MCF2: variants seen among roughly 807,000 people sequenced by gnomAD.
MCF2 encodes the protein proto-oncogene DBL.
Under a neutral mutation model 82.5 loss-of-function variants are expected in MCF2, and 44 were observed. That is an observed-to-expected ratio of 0.53 (90% CI 0.42 to 0.69). The LOEUF is 0.69. Ranked by LOEUF, MCF2 falls within the 30% of genes least tolerant of loss-of-function variation. The probability of loss-of-function intolerance (pLI) is 0.00; values close to 1 mark genes in which losing one functional copy is unlikely to be tolerated. For synonymous variants in MCF2, 217 were observed against 224.9 expected, an observed-to-expected ratio of 0.96 and a Z score of 0.32; for missense variants, 623 against 663.1, an observed-to-expected ratio of 0.94 and a Z score of 0.66.
intron 2 of MCF2, among the ~76,000 whole-genome samples, chrX:139,649,638 G>A (rs1203076427): frequency 2.1e-5 from 1 of 48,507 alleles, no homozygotes; most frequent in Non-Finnish European, 4.3e-5. Flanking sequence ...ACTGTCCTAC[G>A]AGTAAACTTT....
intron 1 of MCF2, among the ~76,000 whole-genome samples, chrX:139,634,921 C>G (rs1933114730): frequency 9.1e-6 from 1 of 110,121 alleles, no homozygotes; most frequent in Non-Finnish European, 1.9e-5. Flanking sequence ...CATAGTGAGA[C>G]CCCATCTCTA....
chrX:139,657,869 C>T (rs1216188368), intron 1 of MCF2, among the ~76,000 whole-genome samples: 1 of 111,640 alleles, frequency 9.0e-6, no homozygotes, highest in Non-Finnish European at 1.9e-5. Context: ...GCACTTTGTT[C>T]TAAAGTCAGA....
At chrX:139,634,496 A>T (rs1338333571) in intron 1 of MCF2, among the ~76,000 whole-genome samples, 1 of 112,407 alleles carries the variant, frequency 8.9e-6, no homozygotes, top group Non-Finnish European at 1.9e-5. Flanking sequence ...GATGGTGATA[A>T]AACATAAAAT....
At chrX:139,691,912 T>C in intron 1 of MCF2, 1 of 1,140,139 alleles carries the variant, frequency 8.8e-7, no homozygotes, top group Non-Finnish European at 1.2e-6. Context: ...GGAGGGGACT[T>C]ACCTGCCACG....
chrX:139,663,090 C>T (rs1051238373), intron 1 of MCF2, among the ~76,000 whole-genome samples: 1 of 112,155 alleles, frequency 8.9e-6, no homozygotes, highest in African/African-American at 3.2e-5. Context: ...GTGAATAATG[C>T]TGCAATAAAC....
intron 1 of MCF2, among the ~76,000 whole-genome samples, chrX:139,654,585 C>T (rs990354934): frequency 8.9e-6 from 1 of 112,009 alleles, no homozygotes; most frequent in Non-Finnish European, 1.9e-5. Context: ...TTCTTTCATT[C>T]TGTGAATTGT....
At position 139,588,474 on chromosome X, in the gene MCF2, C is replaced by T. The variant is rs770632734; in HGVS notation, c.2371-36G>A. The T allele has an allele frequency of 5.7e-6, 5 of 884,916 alleles. No individual in the cohort carries two copies. In the African/African-American group the frequency reaches 1.0e-4, roughly 18 times the overall value. The allele number at this position is 884,916 out of a possible 1,213,427, so 72.9% of individuals were successfully genotyped here. A position where few individuals can be genotyped will look rare whatever the true frequency, so the allele number is the denominator to read the frequency against. ...AAAAAAAAGCGGGAGGGAGGTGGTA[C>T]ACATTTCCTTTTAAAAAGGATGTAC... On this transcript the variant is annotated intron_variant, in intron 20 of 24. Transcript: ENST00000370576.
rs1931482518 is a variant in MCF2 at position 139,611,440 on chromosome X, C to A, written c.1364-1102G>T. Among the ~76,000 whole-genome samples, 3 of 112,061 alleles carry A rather than the reference C, an allele frequency of 2.7e-5. 1 individual carries two copies. The South Asian group carries it at 1.1e-3, about 41-fold the overall frequency. On this transcript the variant is annotated intron_variant, in intron 10 of 24. Transcript: ENST00000370576. Reference sequence around the variant, plus strand: ...TCAAAGAAACCTGTTCTACAGAGATCCAAACTTATTTTTAAAGGTAACTTA... The same window carrying A: ...TCAAAGAAACCTGTTCTACAGAGATACAAACTTATTTTTAAAGGTAACTTA...
At chrX:139,706,936 A>G (rs1935601304) in intron 1 of MCF2, among the ~76,000 whole-genome samples, 1 of 110,314 alleles carries the variant, frequency 9.1e-6, no homozygotes, top group Non-Finnish European at 1.9e-5. Context: ...CCATATAAAG[A>G]AGTTAGTAGA....
chrX:139,659,061 A>G (rs1009260591), intron 1 of MCF2, among the ~76,000 whole-genome samples: 69 of 111,300 alleles, frequency 6.2e-4, no homozygotes, highest in Non-Finnish European at 1.0e-3. Context: ...AGGCCGAGGC[A>G]GGCGGATCAC....
At chrX:139,632,496 CAA>C (rs769371519) in intron 1 of MCF2, 42 bp from the exon 5 acceptor site, 1 of 1,138,702 alleles carries the variant, frequency 8.8e-7, no homozygotes, top group South Asian at 2.1e-5. Context: ...AAAAAATTGT[CAA>C]CACACACTCA....
At chrX:139,688,530 A>T (rs1331974466) in intron 1 of MCF2, among the ~76,000 whole-genome samples, 1 of 112,108 alleles carries the variant, frequency 8.9e-6, no homozygotes, top group South Asian at 3.7e-4. Context: ...TGTGATTTAC[A>T]TATCTCCCTG....
At chrX:139,669,515 A>G (rs1024625200) in intron 1 of MCF2, among the ~76,000 whole-genome samples, 1 of 112,534 alleles carries the variant, frequency 8.9e-6, no homozygotes, top group African/African-American at 3.2e-5. Context: ...ACATAGATTT[A>G]CCACATGTCC....
At chrX:139,626,633 T>C (rs776605373) in exon 5 of MCF2, 6 of 1,207,062 alleles carry the variant, frequency 5.0e-6, no homozygotes, top group Non-Finnish European at 6.7e-6. Context: ...TTATTAATAG[T>C]TTGCCAGTCA....
chrX:139,582,176 T>C, exon 25 of MCF2: 1 of 366,774 alleles, frequency 2.7e-6, no homozygotes, highest in Non-Finnish European at 4.7e-6. Flanking sequence ...CCGATTGCAT[T>C]TGGTTACAAA....
chrX:139,625,394 C>T (rs1266651120), intron 6 of MCF2, among the ~76,000 whole-genome samples: 2 of 111,854 alleles, frequency 1.8e-5, no homozygotes, highest in African/African-American at 3.2e-5. Context: ...TCATGCAGAA[C>T]ATTTCAAAAG....
chrX:139,690,744 C>A (rs928633174), intron 1 of MCF2, among the ~76,000 whole-genome samples: 2 of 111,566 alleles, frequency 1.8e-5, no homozygotes, highest in African/African-American at 6.5e-5. Flanking sequence ...TGGGAAATTG[C>A]CACCAAGTCT....
chrX:139,596,777 T>C lies in MCF2; in HGVS notation c.2056-7A>G. ...CCAGTTCATTTAAGTTTCCCTAGAA[T>C]GGAAAATCAAAACCCATTAGTAGAA... On this transcript the variant is annotated splice_region_variant and splice_polypyrimidine_tract_variant and intron_variant, in intron 18 of 24. Transcript: ENST00000370576. The C allele has an allele frequency of 8.6e-7, 1 of 1,169,450 alleles. No homozygotes were observed. Among genetic ancestry groups the C allele is most frequent in the Non-Finnish European group, 1.2e-6 (1 of 857,451 alleles).
At chrX:139,586,759 G>A (rs1258970625) in intron 22 of MCF2, among the ~76,000 whole-genome samples, 5 of 111,196 alleles carry the variant, frequency 4.5e-5, no homozygotes, top group East Asian at 5.7e-4. Context: ...TACAATCCCC[G>A]TTGCTCTGTG....
Sources: gnomAD v4.1 joint callset for allele counts (sites outside exome capture counted in the v4.1 genomes callset) on GRCh38, gnomAD v4.1.1 for gene constraint, MANE v1.5 for transcripts, NCBI Gene and HGNC (gene_info 2026-07-23, HGNC 2026-07-21) for gene names.